The following MAP3K12 variants were observed in gnomAD, a reference collection of about 807,000 sequenced individuals.
MAP3K12 encodes the protein MAPK-upstream kinase.
In MAP3K12, 14 loss-of-function variants were observed where a neutral mutation model predicts 87.5. That is an observed-to-expected ratio of 0.16 (90% confidence interval 0.11 to 0.25). The LOEUF (loss-of-function observed/expected upper bound fraction) is 0.25, where lower values mean the gene tolerates loss of function less well. Ranked by LOEUF, MAP3K12 falls within the 10% of genes least tolerant of loss-of-function variation. The probability of loss-of-function intolerance (pLI) is 1.00; values close to 1 mark genes in which losing one functional copy is unlikely to be tolerated. For missense variants in MAP3K12, 802 were observed against 1,140.4 expected (o/e 0.70, Z 4.27); for synonymous variants, 469 against 452.5 (o/e 1.04, Z -0.46).
At chr12:53,487,524 T>A in intron 1 of MAP3K12, 96 bp from the exon 2 acceptor site, 1 of 1,256,754 alleles carries the variant, frequency 8.0e-7, no homozygotes, top group Non-Finnish European at 1.1e-6. Context: ...GGTGCTGGGT[T>A]CACAGTAGCC....
Position 53,479,678 on chromosome 12 carries a change from T to TTTTTTTTTGTTTTTTG in MAP3K12, c.*1503_*1504insCAAAAAACAAAAAAAA, listed in dbSNP as rs1275235575. 1 of 389,152 alleles carries TTTTTTTTTGTTTTTTG rather than the reference T, an allele frequency of 2.6e-6. No individual in the cohort carries two copies. The highest frequency in any genetic ancestry group is 4.6e-6 in the Non-Finnish European group (1 of 218,082). 24.1% of individuals were successfully genotyped at this position (389,152 alleles called of 1,614,324 possible). A position where few individuals can be genotyped will look rare whatever the true frequency, so the allele number is the denominator to read the frequency against. On this transcript the variant is annotated 3_prime_UTR_variant, in exon 14 of 14. Transcript: ENST00000547488. The stretch of plus-strand genomic sequence containing the variant: ...TTTATAAGCTTCTCCCTGGTTTTTT[T>TTTTTTTTTGTTTTTTG]TTTTTGGCTCATGAATTTTTCTGTT...
Position 53,481,262 on chromosome 12 carries a change from C to T in MAP3K12, c.2599G>A (p.Asp867Asn). 6.4e-7 allele frequency: 1 copy of T among 1,563,204 alleles called. No individual in the cohort carries two copies. Among genetic ancestry groups the T allele is most frequent in the East Asian group, 2.4e-5 (1 of 40,932 alleles). The change falls in exon 14 of 14, where the codon GAC (aspartate) becomes AAC (asparagine). Residue 867 changes from aspartate to asparagine, a missense_variant. Coordinates refer to ENST00000547488, the MANE Select transcript of MAP3K12 (RefSeq NM_001193511.2). ...AATTCAGTGCTGTCACAGTCTGAGT[C>T]CTCAGAATTGGGAGGGCCCTGTGAG... ...LRERGPPNSEDSDCDSTELDN... is the reference protein window; with the variant it reads ...LRERGPPNSENSDCDSTELDN...
chr12:53,491,532 C>A (rs1386094414), intron 1 of MAP3K12, among the ~76,000 whole-genome samples: 1 of 149,652 alleles, frequency 6.7e-6, no homozygotes, highest in Admixed American at 6.6e-5. Context: ...CTTCCGGGTT[C>A]ACACCATTCT....
At position 53,480,747 on chromosome 12, in the gene MAP3K12, C is replaced by T. The variant is rs1197455335; in HGVS notation, c.*435G>A. 1 of 152,600 alleles carries T rather than the reference C, an allele frequency of 6.6e-6. No homozygotes were observed. The highest frequency in any genetic ancestry group is 1.5e-5 in the Non-Finnish European group (1 of 68,056). The allele number at this position is 152,600 out of a possible 1,614,324, so 9.5% of individuals were successfully genotyped here. ...GAAACCTCAGAGGGGAGGACCCAGC[C>T]TTAGCCTCCCTCCTCCCAAGTGCAA... On this transcript the variant is annotated 3_prime_UTR_variant, in exon 14 of 14. Transcript: ENST00000547488.
At chr12:53,492,450 TGC>T (rs764285512) in intron 1 of MAP3K12, among the ~76,000 whole-genome samples, 14 of 151,114 alleles carry the variant, frequency 9.3e-5, no homozygotes, top group African/African-American at 7.3e-5. Flanking sequence ...ACACTCTCTC[TGC>T]GCGCGCGCGC....
Position 53,483,592 on chromosome 12 carries a change from G to T in MAP3K12, c.1475+15C>A. 3 of 1,613,912 alleles carry T rather than the reference G, an allele frequency of 1.9e-6. No individual in the cohort carries two copies. Among genetic ancestry groups the T allele is most frequent in the Non-Finnish European group, 2.5e-6 (3 of 1,179,840 alleles). On this transcript the variant is annotated intron_variant, in intron 9 of 13. Coordinates refer to ENST00000547488, the MANE Select transcript of MAP3K12 (RefSeq NM_001193511.2). Reference sequence around the variant, plus strand: ...ACAGCTCCAGGGCTTGGTGCATAAGGACAGGTAGGGTTACCTGAGCAGCTC... The same window carrying T: ...ACAGCTCCAGGGCTTGGTGCATAAGTACAGGTAGGGTTACCTGAGCAGCTC...
intron 1 of MAP3K12, among the ~76,000 whole-genome samples, chr12:53,491,724 C>G (rs913152176): frequency 1.3e-5 from 2 of 151,158 alleles, no homozygotes; most frequent in Non-Finnish European, 3.0e-5. Context: ...TGAGCCACCG[C>G]GCCCGGCAGG....
rs1371448892 is a variant in MAP3K12 at position 53,482,619 on chromosome 12, G to C, written c.2184C>G (p.Ser728=). The part of the protein sequence containing the change: ...TSGRGGSRAG[S]QHLTPAALLY... ...GCAGTGCAGCTGGGGTCAAGTGCTG[G>C]GACCCAGCCCGGCTTCCTCCCCGGC... The change falls in exon 11 of 14, where the codon TCC becomes TCG. Residue 728 remains serine, a synonymous_variant. Coordinates refer to ENST00000547488, the MANE Select transcript of MAP3K12 (RefSeq NM_001193511.2). 2 of 1,613,728 alleles carry C rather than the reference G, an allele frequency of 1.2e-6. No individual in the cohort carries two copies. Among genetic ancestry groups the C allele is most frequent in the African/African-American group, 2.7e-5 (2 of 74,934 alleles).
rs1942990243 is a variant in MAP3K12, at chr12:53,480,667, C to CT, written c.*514dup. On this transcript the variant is annotated 3_prime_UTR_variant, in exon 14 of 14. Transcript: ENST00000547488. ...CCTCCCCCTGGGCCTTAAGACAGGGCTTGGGCAGAGAAGATAAATGGTGGG... is the reference window on the plus strand; with the variant it reads ...CCTCCCCCTGGGCCTTAAGACAGGGCTTTGGGCAGAGAAGATAAATGGTGGG... 1 of 152,522 alleles carries CT rather than the reference C, an allele frequency of 6.6e-6. No individual in the cohort carries two copies. The highest frequency in any genetic ancestry group is 1.9e-4 in the East Asian group (1 of 5,196). 9.4% of individuals were successfully genotyped at this position (152,522 alleles called of 1,614,324 possible). A position where few individuals can be genotyped will look rare whatever the true frequency, so the allele number is the denominator to read the frequency against.
Position 53,486,506 on chromosome 12 carries a change from G to C in MAP3K12, c.562C>G (p.Arg188Gly). Residue 188 changes from arginine to glycine, a missense_variant, in exon 3 of 14, where the codon CGA (arginine) becomes GGA (glycine). This residue lies in a region of MAP3K12 where 57 missense variants were observed against 161.8 expected (regional missense o/e 0.35). Coordinates refer to ENST00000547488, the MANE Select transcript of MAP3K12 (RefSeq NM_001193511.2). The surrounding 1 kb of genome is among the most constrained non-coding windows in gnomAD (Gnocchi z 4.9). ...TTGATGTCGGTTTCTTTGAGGTCTC[G>C]CACCTTCTTCACAGCCACCTCCTCC... is the stretch of plus-strand genomic sequence containing the variant. The part of the protein sequence containing the change: ...HGEEVAVKKV[R>G]DLKETDIKHL... The C allele has an allele frequency of 6.2e-7, 1 of 1,614,112 alleles. No homozygotes were observed. Among genetic ancestry groups the C allele is most frequent in the Non-Finnish European group, 8.5e-7 (1 of 1,180,018 alleles).
chr12:53,480,984 C>T lies in MAP3K12; in HGVS notation c.*198G>A, dbSNP rs1592703686. The T allele has an allele frequency of 1.1e-5, 2 of 190,308 alleles. No homozygotes were observed. Among genetic ancestry groups the T allele is most frequent in the East Asian group, 2.6e-4 (2 of 7,700 alleles). The allele number at this position is 190,308 out of a possible 1,614,324, so 11.8% of individuals were successfully genotyped here. On this transcript the variant is annotated 3_prime_UTR_variant, in exon 14 of 14. Transcript: ENST00000547488. ...CCTTAGCCACAGCTCTACGGCTGTGCCTCATTCATTTCCACAGCTGCCAGT... is the reference window on the plus strand; with the variant it reads ...CCTTAGCCACAGCTCTACGGCTGTGTCTCATTCATTTCCACAGCTGCCAGT...
chr12:53,487,518 C>T (rs1943262797), intron 1 of MAP3K12, 90 bp from the exon 2 acceptor site: 15 of 1,351,654 alleles, frequency 1.1e-5, no homozygotes, highest in Non-Finnish European at 1.3e-5. Context: ...GACTGGGGTG[C>T]TGGGTTCACA....
chr12:53,483,810 C>A (rs945502021), intron 8 of MAP3K12, 87 bp from the exon 9 acceptor site: 1 of 1,611,718 alleles, frequency 6.2e-7, no homozygotes, highest in Non-Finnish European at 8.5e-7. Context: ...TGTCCACAGT[C>A]CTTTCGTAGT....
chr12:53,493,275 C>T (rs983389921), intron 1 of MAP3K12, among the ~76,000 whole-genome samples: 2 of 152,070 alleles, frequency 1.3e-5, no homozygotes, highest in Admixed American at 6.5e-5. Flanking sequence ...GGCTGGTTGC[C>T]GGGATGGCTG....
chr12:53,497,867 C>T (rs1042642559), intron 1 of MAP3K12, among the ~76,000 whole-genome samples: 1 of 152,238 alleles, frequency 6.6e-6, no homozygotes, highest in East Asian at 1.9e-4. Context: ...TACGAGAGTC[C>T]GGGCTGTGAG....
At chr12:53,487,532 G>T in intron 1 of MAP3K12, 104 bp from the exon 2 acceptor site, 1 of 1,164,174 alleles carries the variant, frequency 8.6e-7, no homozygotes, top group Non-Finnish European at 1.2e-6. Context: ...GTTCACAGTA[G>T]CCCCGCTGGA....
chr12:53,487,943 A>T (rs1374489902), intron 1 of MAP3K12: 1 of 156,030 alleles, frequency 6.4e-6, no homozygotes, highest in East Asian at 1.9e-4. Context: ...ATGCTGGTAA[A>T]CCTTTCAGAC....
intron 13 of MAP3K12, 38 bp downstream of exon 13, chr12:53,481,903 C>T: frequency 6.3e-7 from 1 of 1,596,212 alleles, no homozygotes. Context: ...TACAGCTCTC[C>T]CTGTTCAATA....
At position 53,486,468 on chromosome 12, in the gene MAP3K12, C is replaced by G. The variant is rs1288949463; in HGVS notation, c.600G>C (p.Lys200Asn). The G allele has an allele frequency of 6.2e-7, 1 of 1,614,192 alleles. No homozygotes were observed. The highest frequency in any genetic ancestry group is 8.5e-7 in the Non-Finnish European group (1 of 1,180,034). ...AAGTGATGATGTTGGGGTGCTTCAG[C>G]TTTCGCAAGTGCTTGATGTCGGTTT... ...LKETDIKHLR[K>N]LKHPNIITFK... The change falls in exon 3 of 14, where the codon AAG (lysine) becomes AAC (asparagine). Residue 200 changes from lysine (K) to asparagine (N), a missense_variant. This residue lies in a region of MAP3K12 where 57 missense variants were observed against 161.8 expected (regional missense o/e 0.35). Coordinates refer to ENST00000547488, the MANE Select transcript of MAP3K12 (RefSeq NM_001193511.2). This position sits in a 1 kb window ranked among gnomAD's most constrained non-coding sequence, Gnocchi z 4.9.
Sources: allele counts gnomAD v4.1 joint callset (sites outside exome capture counted in the v4.1 genomes callset), GRCh38; gene constraint gnomAD v4.1.1; regional missense constraint gnomAD v4.1.1; non-coding constraint Gnocchi (gnomAD v3.1); transcripts MANE v1.5; gene names NCBI Gene and HGNC (gene_info 2026-07-23, HGNC 2026-07-21).